Variants in BCL11A observed in about 807,000 individuals in gnomAD.
BCL11A encodes the protein B cell CLL/lymphoma 11A.
In BCL11A, 2 loss-of-function variants were observed where a neutral mutation model predicts 55.9. The observed-to-expected ratio is 0.04, with a 90% CI of 0.01 to 0.11. The LOEUF is 0.11. Among genes scored for constraint, BCL11A ranks in the 10% least tolerant of loss-of-function variants. The pLI is 1.00. For missense variants in BCL11A, 817 were observed against 1,137.1 expected, an observed-to-expected ratio of 0.72 and a Z score of 4.05; for synonymous variants, 465 against 473.4, an observed-to-expected ratio of 0.98 and a Z score of 0.23.
At chr2:60,481,735 A>AT (rs1212458987) in intron 2 of BCL11A, among the ~76,000 whole-genome samples, 11 of 151,934 alleles carry the variant, frequency 7.2e-5, no homozygotes, top group Non-Finnish European at 1.0e-4. Context: ...TTTTAAGGGC[A>AT]TTTTTTTTCC....
Position 60,462,062 on chromosome 2 carries a change from C to T in BCL11A, c.850G>A (p.Ala284Thr). ...LDPHRIERLG[A>T]EEMALATHHP... The stretch of plus-strand genomic sequence containing the variant: ...TGGGTGGCCAGGGCCATCTCTTCCG[C>T]CCCCAGGCGCTCTATGCGGTGGGGG... Residue 284 changes from alanine to threonine, a missense_variant, in exon 4 of 4, where the codon GCG becomes ACG. Ala to Thr is a moderately conservative substitution (Grantham distance 58). This residue lies in a region of BCL11A where 363 missense variants were observed against 486.6 expected (regional missense o/e 0.75). Coordinates refer to ENST00000642384, the MANE Select transcript of BCL11A (RefSeq NM_022893.4). The T allele has an allele frequency of 1.3e-6, 2 of 1,593,118 alleles. No individual in the cohort carries two copies. The highest frequency in any genetic ancestry group is 1.1e-5 in the South Asian group (1 of 87,426).
At chr2:60,480,731 C>T (rs1314237898) in intron 2 of BCL11A, among the ~76,000 whole-genome samples, 1 of 152,142 alleles carries the variant, frequency 6.6e-6, no homozygotes, top group Non-Finnish European at 1.5e-5. Context: ...AGAGCTACAG[C>T]GGATGTCAAA....
Position 60,517,095 on chromosome 2 carries a change from A to G in BCL11A, c.385+28876T>C, listed in dbSNP as rs150040563. Among the ~76,000 whole-genome samples the G allele has an allele frequency of 5.1e-4, 77 of 152,324 alleles. 1 individual carries two copies. The highest frequency in any genetic ancestry group is 1.9e-3 in the African/African-American group (77 of 41,582). On this transcript the variant is annotated intron_variant, in intron 2 of 3. Transcript: ENST00000642384. The stretch of plus-strand genomic sequence containing the variant: ...TGAAGAGGAAATGGGTTTAAAATGA[A>G]GCATAAGGGATCGAAGGTAGACAAA...
intron 2 of BCL11A, among the ~76,000 whole-genome samples, chr2:60,507,091 G>T (rs1245838432): frequency 6.6e-6 from 1 of 151,840 alleles, no homozygotes; most frequent in Admixed American, 6.6e-5. Context: ...CTGAAATACT[G>T]TCTTTGACCT....
At chr2:60,540,059 G>A (rs1391642189) in intron 2 of BCL11A, among the ~76,000 whole-genome samples, 1 of 152,090 alleles carries the variant, frequency 6.6e-6, no homozygotes, top group Non-Finnish European at 1.5e-5. Context: ...CTTCATTAAT[G>A]TCATCCAAAT....
At chr2:60,486,035 G>C (rs1210656382) in intron 2 of BCL11A, among the ~76,000 whole-genome samples, 1 of 152,122 alleles carries the variant, frequency 6.6e-6, no homozygotes, top group Non-Finnish European at 1.5e-5. Flanking sequence ...TTTTTAGTAT[G>C]TTTAGGGATC....
In BCL11A at chr2:60,452,024, C is replaced by A. The variant is rs934970575; in HGVS notation, c.*551G>T. ...GTAACCTAGTTCCCCTCCTACATCT[C>A]CTGCCCATTTCTCAAATCTGTTCCT... On this transcript the variant is annotated 3_prime_UTR_variant, in exon 5 of 5. Coordinates refer to the BCL11A transcript ENST00000356842. The A allele has an allele frequency of 1.3e-5, 3 of 227,088 alleles. No homozygotes were observed. The East Asian group carries it at 1.9e-4, about 14-fold the overall frequency. 14.1% of individuals were successfully genotyped at this position (227,088 alleles called of 1,614,324 possible).
intron 2 of BCL11A, chr2:60,537,190 AC>A (rs1669706925): frequency 6.6e-6 from 1 of 151,960 alleles, no homozygotes; most frequent in African/African-American, 2.4e-5. Flanking sequence ...CATAACAAAA[AC>A]ATAACATGAG....
At chr2:60,494,769 T>C (rs1678849925) in intron 2 of BCL11A, among the ~76,000 whole-genome samples, 2 of 152,238 alleles carry the variant, frequency 1.3e-5, no homozygotes, top group African/African-American at 4.8e-5. Context: ...TGCTCCGAGC[T>C]TGTGAACTAA....
chr2:60,518,100 T>C (rs1668815445), intron 2 of BCL11A, among the ~76,000 whole-genome samples: 1 of 152,228 alleles, frequency 6.6e-6, no homozygotes, highest in African/African-American at 2.4e-5. Flanking sequence ...AAGACCAGCC[T>C]GGGCAACATA....
chr2:60,515,049 C>G (rs1432628988), intron 2 of BCL11A, among the ~76,000 whole-genome samples: 1 of 152,090 alleles, frequency 6.6e-6, no homozygotes, highest in Non-Finnish European at 1.5e-5. Flanking sequence ...TACCAGCTTC[C>G]CACACCTCCA....
intron 2 of BCL11A, among the ~76,000 whole-genome samples, chr2:60,477,653 A>G (rs1677694363): frequency 6.6e-6 from 1 of 151,942 alleles, no homozygotes; most frequent in African/African-American, 2.4e-5. Context: ...TTTCCAAGAG[A>G]CTCCTGATGT....
downstream of BCL11A, among the ~76,000 whole-genome samples, chr2:60,456,714 T>C (rs1467781900): frequency 6.6e-6 from 1 of 152,196 alleles, no homozygotes; most frequent in Non-Finnish European, 1.5e-5. Flanking sequence ...GTTATTTTGT[T>C]ATGAGAAAAG....
At chr2:60,493,450 C>T (rs569930680) in intron 2 of BCL11A, among the ~76,000 whole-genome samples, 1 of 152,112 alleles carries the variant, frequency 6.6e-6, no homozygotes, top group African/African-American at 2.4e-5. Flanking sequence ...CAACTCCAAA[C>T]CCTATATCCC....
intron 2 of BCL11A, among the ~76,000 whole-genome samples, chr2:60,470,324 T>C (rs1309620938): frequency 7.9e-5 from 12 of 152,204 alleles, no homozygotes; most frequent in Non-Finnish European, 1.5e-4. Context: ...TACATTTGAC[T>C]GTTTACGTCA....
chr2:60,467,147 ATGGTGGTGGTGG>A (rs200378268), intron 3 of BCL11A, among the ~76,000 whole-genome samples: 1 of 45,032 alleles, frequency 2.2e-5, no homozygotes, highest in Non-Finnish European at 5.4e-5. Flanking sequence ...GTTGGTGGTG[ATGGTGGTGGTGG>A]TGGTGGTGAT....
intron 2 of BCL11A, chr2:60,522,963 C>T (rs1281310416): frequency 6.6e-6 from 1 of 152,114 alleles, no homozygotes; most frequent in Non-Finnish European, 1.5e-5. Flanking sequence ...ACAATAAAAC[C>T]TATTGATCAG....
chr2:60,547,087 A>C (rs1020285373), intron 1 of BCL11A, among the ~76,000 whole-genome samples: 3 of 152,222 alleles, frequency 2.0e-5, no homozygotes, highest in Non-Finnish European at 4.4e-5. Flanking sequence ...TACTTAAGAA[A>C]ATAAGCCAAT....
rs752480226 is a variant in BCL11A, at chr2:60,461,910, G to A, written c.1002C>T (p.Gly334=). Residue 334 remains glycine (G), a synonymous_variant, in exon 4 of 4, where the codon GGC becomes GGT. Transcript: ENST00000642384. The part of the protein sequence containing the change: ...GNTSSPPLSP[G]RPSPMQRLLQ... Reference sequence around the variant, plus strand: ...GTAACCTTTGCATAGGGCTGGGCCGGCCTGGGGACAGCGGTGGGCTAGACG... The same window carrying A: ...GTAACCTTTGCATAGGGCTGGGCCGACCTGGGGACAGCGGTGGGCTAGACG... The A allele has an allele frequency of 6.2e-7, 1 of 1,614,156 alleles. No homozygotes were observed. Among genetic ancestry groups the A allele is most frequent in the East Asian group, 2.2e-5 (1 of 44,876 alleles).
Sources: gnomAD v4.1 joint callset for allele counts (sites outside exome capture counted in the v4.1 genomes callset) on GRCh38, gnomAD v4.1.1 for gene constraint, gnomAD v4.1.1 regional missense constraint, MANE v1.5 for transcripts, NCBI Gene and HGNC (gene_info 2026-07-23, HGNC 2026-07-21) for gene names.